MYT1L: variants seen among roughly 807,000 people sequenced by gnomAD.
The protein encoded by MYT1L is myelin transcription factor 1 like.
In MYT1L, 12 loss-of-function variants were observed where a neutral mutation model predicts 126.7. That is an observed-to-expected ratio of 0.09 (90% CI 0.06 to 0.15). MYT1L has a LOEUF of 0.15. Ranked by LOEUF, MYT1L falls within the 10% of genes least tolerant of loss-of-function variation. The pLI is 1.00. For missense variants in MYT1L, 979 were observed against 1,585.2 expected (o/e 0.62, Z 6.49); for synonymous variants, 541 against 604.2 (o/e 0.90, Z 1.53).
chr2:1,931,211 C>T (rs11683552), intron 9 of MYT1L, among the ~76,000 whole-genome samples: 6,574 of 152,264 alleles, frequency 0.043, 215 homozygotes, highest in Non-Finnish European at 0.058. Flanking sequence ...CCTCATCTGC[C>T]GTGGCAGACA....
intron 9 of MYT1L, among the ~76,000 whole-genome samples, chr2:1,937,942 C>T (rs1471722033): frequency 6.6e-6 from 1 of 152,210 alleles, no homozygotes; most frequent in African/African-American, 2.4e-5. Context: ...AGGAAGACAC[C>T]TGCGTGTCAC....
chr2:1,950,360 T>C (rs909812422), intron 8 of MYT1L, among the ~76,000 whole-genome samples: 11 of 152,170 alleles, frequency 7.2e-5, no homozygotes, highest in Non-Finnish European at 1.6e-4. Flanking sequence ...GCTGAGTGAA[T>C]ACATTGCATG....
At chr2:2,275,202 ATGTG>A (rs10522538) in intron 2 of MYT1L, among the ~76,000 whole-genome samples, 20,355 of 139,316 alleles carry the variant, frequency 0.15, 1,455 homozygotes, top group South Asian at 0.23. Context: ...TAATAATAAA[ATGTG>A]TGTGTGTGTG....
intron 2 of MYT1L, among the ~76,000 whole-genome samples, chr2:2,255,883 T>A (rs549483651): frequency 2.0e-5 from 3 of 152,158 alleles, no homozygotes; most frequent in Non-Finnish European, 4.4e-5. Flanking sequence ...TAGGGGCCAG[T>A]TGAAGTGATG....
At chr2:1,817,560 CG>C (rs58589135) in intron 21 of MYT1L, among the ~76,000 whole-genome samples, 2,177 of 152,334 alleles carry the variant, frequency 0.014, 57 homozygotes, top group African/African-American at 0.05. Flanking sequence ...TGTCCAAACG[CG>C]GCTGTGTCGG....
intron 5 of MYT1L, among the ~76,000 whole-genome samples, chr2:1,980,970 C>T (rs1263623393): frequency 1.3e-5 from 2 of 152,170 alleles, no homozygotes; most frequent in East Asian, 3.9e-4. Flanking sequence ...ACCAAAGCCA[C>T]TTCCTCCATG....
chr2:1,797,292 T>C (rs13420403), intron 23 of MYT1L, among the ~76,000 whole-genome samples: 13,583 of 152,226 alleles, frequency 0.089, 693 homozygotes, highest in South Asian at 0.16. Flanking sequence ...GGCGCGATCT[T>C]GGCTCTCTGC....
In MYT1L at chr2:1,806,841, G is replaced by A. The variant is rs149489890; in HGVS notation, c.3172+2235C>T. Among the ~76,000 whole-genome samples, 4 of 152,300 alleles carry A rather than the reference G, an allele frequency of 2.6e-5. No individual in the cohort carries two copies. Among genetic ancestry groups the A allele is most frequent in the East Asian group, 1.9e-4 (1 of 5,188 alleles). On this transcript the variant is annotated intron_variant, in intron 22 of 24. Coordinates refer to ENST00000647738, the MANE Select transcript of MYT1L (RefSeq NM_001303052.2). The surrounding 1 kb of genome is among the most constrained non-coding windows in gnomAD (Gnocchi z 4.9). ...ATGGGGAACAAAGGCACGTGGACTC[G>A]GATCAATTGTCTAAGGATTTCCACT...
intron 21 of MYT1L, among the ~76,000 whole-genome samples, chr2:1,831,990 G>A (rs1241618840): frequency 2.0e-5 from 3 of 152,074 alleles, no homozygotes; most frequent in African/African-American, 7.2e-5. Context: ...CCCCTTCAAA[G>A]TCCCACAGAA....
At chr2:2,002,033 T>C (rs1367878359) in intron 4 of MYT1L, among the ~76,000 whole-genome samples, 1 of 152,176 alleles carries the variant, frequency 6.6e-6, no homozygotes, top group Admixed American at 6.5e-5. Flanking sequence ...TTATAGAGAT[T>C]TGAAACCGTG....
At position 2,165,745 on chromosome 2, in the gene MYT1L, G is replaced by A. The variant is rs139687281; in HGVS notation, c.-304+7127C>T. On this transcript the variant is annotated intron_variant, in intron 3 of 24. Coordinates refer to ENST00000647738, the MANE Select transcript of MYT1L (RefSeq NM_001303052.2). ...ATGTTGTATTCAAAAATACTTTTTA[G>A]AAATAATTTTGAGATTCTGATCTTT... Among the ~76,000 whole-genome samples, 211 of 151,986 alleles carry A rather than the reference G, an allele frequency of 1.4e-3. 2 individuals are homozygous for A. The highest frequency in any genetic ancestry group is 4.8e-3 in the African/African-American group (198 of 41,484).
In MYT1L at chr2:2,121,102, G is replaced by C. The variant is rs185942447; in HGVS notation, c.-304+51770C>G. Among the ~76,000 whole-genome samples, 386 of 152,332 alleles carry C rather than the reference G, an allele frequency of 2.5e-3. 2 individuals carry two copies. Among genetic ancestry groups the C allele is most frequent in the Non-Finnish European group, 2.1e-3 (141 of 68,030 alleles). On this transcript the variant is annotated intron_variant, in intron 3 of 24. Coordinates refer to ENST00000647738, the MANE Select transcript of MYT1L (RefSeq NM_001303052.2). ...CGAACTGCCGGATTTTCATTTTATAGTGCAACTCTTTTAAACATGATTCCA... is the reference window on the plus strand; with the variant it reads ...CGAACTGCCGGATTTTCATTTTATACTGCAACTCTTTTAAACATGATTCCA...
At chr2:2,138,818 C>T (rs2083477232) in intron 3 of MYT1L, among the ~76,000 whole-genome samples, 1 of 145,946 alleles carries the variant, frequency 6.9e-6, no homozygotes, top group African/African-American at 2.5e-5. Flanking sequence ...ACATTGTGCA[C>T]ATGTACCCTA....
At chr2:2,214,520 A>G (rs2093624306) in intron 2 of MYT1L, among the ~76,000 whole-genome samples, 1 of 152,214 alleles carries the variant, frequency 6.6e-6, no homozygotes, top group East Asian at 1.9e-4. Context: ...AATATAACAC[A>G]TATCATCAGA....
intron 9 of MYT1L, among the ~76,000 whole-genome samples, chr2:1,924,709 G>A (rs1327954441): frequency 6.6e-6 from 1 of 152,134 alleles, no homozygotes; most frequent in East Asian, 1.9e-4. Context: ...ATAGAGAATC[G>A]CTAATTGTGT....
At chr2:2,055,108 T>C (rs73913052) in intron 3 of MYT1L, among the ~76,000 whole-genome samples, 7,552 of 152,302 alleles carry the variant, frequency 0.05, 218 homozygotes, top group Non-Finnish European at 0.058. Flanking sequence ...CTTTGTAATA[T>C]AAAAAATACA....
At chr2:1,907,131 T>TA (rs764875574) in intron 13 of MYT1L, among the ~76,000 whole-genome samples, 7,516 of 135,012 alleles carry the variant, frequency 0.056, 211 homozygotes, top group Non-Finnish European at 0.065. Flanking sequence ...TTTTTTTAAT[T>TA]AAAAAAAAAA....
intron 2 of MYT1L, among the ~76,000 whole-genome samples, chr2:2,194,075 T>C (rs571756462): frequency 9.9e-5 from 15 of 152,146 alleles, no homozygotes; most frequent in African/African-American, 3.1e-4. Flanking sequence ...TTATAGCTAT[T>C]ATTCATATAT....
At chr2:2,320,323 G>A (rs1333535707) in intron 1 of MYT1L, among the ~76,000 whole-genome samples, 1 of 152,090 alleles carries the variant, frequency 6.6e-6, no homozygotes, top group Non-Finnish European at 1.5e-5. Context: ...TTTCTTTAGT[G>A]TGCTTTGTCT....
Sources: allele counts gnomAD v4.1 joint callset (sites outside exome capture counted in the v4.1 genomes callset), GRCh38; gene constraint gnomAD v4.1.1; non-coding constraint Gnocchi (gnomAD v3.1); transcripts MANE v1.5; gene names NCBI Gene and HGNC (gene_info 2026-07-23, HGNC 2026-07-21).